CTNNA3: variants seen among roughly 807,000 people sequenced by gnomAD.
CTNNA3 encodes the protein catenin alpha 3.
CTNNA3 carries 76 observed loss-of-function variants against 95.7 expected under a neutral mutation model. The ratio of observed to expected loss-of-function variants is 0.79; its 90% CI spans 0.66 to 0.96. The LOEUF (loss-of-function observed/expected upper bound fraction) is 0.96, where lower values mean the gene tolerates loss of function less well. Among genes scored for constraint, CTNNA3 ranks in the 40% least tolerant of loss-of-function variants. The probability of loss-of-function intolerance (pLI) is 0.00; values close to 1 mark genes in which losing one functional copy is unlikely to be tolerated. For synonymous variants in CTNNA3, 431 were observed against 374.4 expected (o/e 1.15, Z -1.74); for missense variants, 1,191 against 1,089.8 (o/e 1.09, Z -1.31).
intron 7 of CTNNA3, among the ~76,000 whole-genome samples, chr10:67,053,933 T>C (rs1057380985): frequency 5.9e-5 from 9 of 152,168 alleles, no homozygotes. Flanking sequence ...AATGAGACTC[T>C]GGCTAACCTT....
intron 14 of CTNNA3, among the ~76,000 whole-genome samples, chr10:66,076,534 A>C (rs561789038): frequency 2.5e-4 from 38 of 151,764 alleles, no homozygotes; most frequent in African/African-American, 7.9e-4. Flanking sequence ...AATCAGACTT[A>C]AAATATATAT....
chr10:67,444,684 A>G (rs1846669128), intron 5 of CTNNA3, among the ~76,000 whole-genome samples: 2 of 109,706 alleles, frequency 1.8e-5, no homozygotes. Flanking sequence ...AGAAAATCCA[A>G]ATAAATAAAA....
At chr10:66,027,952 G>A (rs2079374129) in intron 15 of CTNNA3, among the ~76,000 whole-genome samples, 1 of 152,142 alleles carries the variant, frequency 6.6e-6, no homozygotes, top group Admixed American at 6.6e-5. Context: ...AGCATTTAGA[G>A]TCCTCCAGTT....
At chr10:66,973,090 T>C (rs1849818155) in intron 7 of CTNNA3, among the ~76,000 whole-genome samples, 1 of 152,242 alleles carries the variant, frequency 6.6e-6, no homozygotes, top group Non-Finnish European at 1.5e-5. Flanking sequence ...CTTTTTTTAT[T>C]GCTTCTCAGC....
intron 15 of CTNNA3, among the ~76,000 whole-genome samples, chr10:66,002,943 T>C (rs2078799465): frequency 1.3e-5 from 2 of 152,200 alleles, no homozygotes; most frequent in African/African-American, 4.8e-5. Flanking sequence ...TAAAATCCTA[T>C]ATTTTATTTT....
chr10:67,230,019 G>C (rs767089639), intron 5 of CTNNA3, among the ~76,000 whole-genome samples: 2 of 152,070 alleles, frequency 1.3e-5, no homozygotes, highest in African/African-American at 2.4e-5. Flanking sequence ...GCCAAAGCAA[G>C]ACTAAGCAAA....
chr10:66,683,509 T>A (rs576989666), intron 9 of CTNNA3, among the ~76,000 whole-genome samples: 1 of 152,180 alleles, frequency 6.6e-6, no homozygotes, highest in African/African-American at 2.4e-5. Flanking sequence ...CCAGCATGTA[T>A]TATGGAGAAG....
At chr10:66,459,912 C>T (rs971403734) in intron 11 of CTNNA3, among the ~76,000 whole-genome samples, 1 of 151,668 alleles carries the variant, frequency 6.6e-6, no homozygotes, top group Non-Finnish European at 1.5e-5. Flanking sequence ...TTTTTAATTT[C>T]TTATATTGTT....
At chr10:66,163,252 C>G (rs1280361767) in intron 13 of CTNNA3, among the ~76,000 whole-genome samples, 1 of 152,050 alleles carries the variant, frequency 6.6e-6, no homozygotes, top group African/African-American at 2.4e-5. Context: ...CAAATTTTTA[C>G]AAAGTTCCGT....
At chr10:66,707,458 C>T (rs748618533) in intron 9 of CTNNA3, among the ~76,000 whole-genome samples, 1 of 151,950 alleles carries the variant, frequency 6.6e-6, no homozygotes, top group Non-Finnish European at 1.5e-5. Context: ...CTCCCTCTTA[C>T]ACTCTGTGTA....
intron 6 of CTNNA3, among the ~76,000 whole-genome samples, chr10:67,209,114 T>C (rs1027861941): frequency 6.6e-6 from 1 of 152,146 alleles, no homozygotes; most frequent in Admixed American, 6.5e-5. Flanking sequence ...AGTGGCACGA[T>C]TTTGGCTCAC....
chr10:67,119,263 A>G (rs1366608451), intron 7 of CTNNA3, among the ~76,000 whole-genome samples: 1 of 151,914 alleles, frequency 6.6e-6, no homozygotes, highest in Non-Finnish European at 1.5e-5. Flanking sequence ...TCAGATGTAA[A>G]CATCTAGAGT....
rs1462401256 is a variant in CTNNA3 at position 66,367,885 on chromosome 10, T to A, written c.1732+11267A>T. Among the ~76,000 whole-genome samples, 68 of 12,778 alleles carry A rather than the reference T, an allele frequency of 5.3e-3. 1 individual carries two copies. The highest frequency in any genetic ancestry group is 0.014 in the African/African-American group (66 of 4,560). The allele number at this position is 12,778 out of a possible 152,430, so 8.4% of individuals were successfully genotyped here. A position where few individuals can be genotyped will look rare whatever the true frequency, so the allele number is the denominator to read the frequency against. On this transcript the variant is annotated intron_variant, in intron 12 of 17. Coordinates refer to ENST00000433211, the MANE Select transcript of CTNNA3 (RefSeq NM_013266.4). ...ATAATAATAATAATAATAATAATTA[T>A]TATTATTATTATTATTATTATTATT... is the stretch of plus-strand genomic sequence containing the variant.
chr10:67,459,200 C>T (rs1847284735), intron 5 of CTNNA3, among the ~76,000 whole-genome samples: 1 of 152,086 alleles, frequency 6.6e-6, no homozygotes, highest in African/African-American at 2.4e-5. Flanking sequence ...ATATTTTCAC[C>T]CAAATAATAG....
At chr10:67,631,827 A>G (rs1336898876) in intron 2 of CTNNA3, among the ~76,000 whole-genome samples, 1 of 152,206 alleles carries the variant, frequency 6.6e-6, no homozygotes, top group Non-Finnish European at 1.5e-5. Flanking sequence ...TCTAACATGG[A>G]TGAACCTGGA....
intron 7 of CTNNA3, among the ~76,000 whole-genome samples, chr10:67,097,065 A>G (rs1409469196): frequency 1.2e-4 from 18 of 151,878 alleles, no homozygotes; most frequent in Non-Finnish European, 2.7e-4. Context: ...GGAACTTGTA[A>G]GACATGTGGA....
At chr10:66,074,518 A>T (rs1287613806) in intron 14 of CTNNA3, among the ~76,000 whole-genome samples, 1 of 151,836 alleles carries the variant, frequency 6.6e-6, no homozygotes, top group Non-Finnish European at 1.5e-5. Flanking sequence ...ATATCTTGAG[A>T]TATTGCCCAT....
At chr10:66,882,001 G>A (rs999118052) in intron 7 of CTNNA3, among the ~76,000 whole-genome samples, 5 of 152,088 alleles carry the variant, frequency 3.3e-5, no homozygotes, top group African/African-American at 1.2e-4. Flanking sequence ...TTCTCGAGTT[G>A]TGGAGGAGTG....
intron 7 of CTNNA3, among the ~76,000 whole-genome samples, chr10:67,051,505 G>A (rs1345571977): frequency 6.7e-6 from 1 of 149,774 alleles, no homozygotes; most frequent in Non-Finnish European, 1.5e-5. Context: ...TGTCACCGAG[G>A]CTGGAGTGCA....
Sources: gnomAD v4.1 joint callset for allele counts (sites outside exome capture counted in the v4.1 genomes callset) on GRCh38, gnomAD v4.1.1 for gene constraint, MANE v1.5 for transcripts, NCBI Gene and HGNC (gene_info 2026-07-23, HGNC 2026-07-21) for gene names.